The following OMA1 variants were observed in gnomAD, a reference collection of about 807,000 sequenced individuals.
The protein encoded by OMA1 is OMA1 zinc metallopeptidase, also known as metalloendopeptidase OMA1, mitochondrial.
A neutral mutation model predicts 30.9 loss-of-function variants in OMA1; 38 were observed. The observed-to-expected ratio is 1.23, with a 90% CI of 0.95 to 1.61. The LOEUF (loss-of-function observed/expected upper bound fraction) is 1.61, where lower values mean the gene tolerates loss of function less well. Among genes scored for constraint, OMA1 ranks in the 40% most tolerant of loss-of-function variants. The pLI is 0.00. For synonymous variants in OMA1, 173 were observed against 121.9 expected, an observed-to-expected ratio of 1.42 and a Z score of -2.76; for missense variants, 461 against 349.2, an observed-to-expected ratio of 1.32 and a Z score of -2.55.
intron 5 of OMA1, among the ~76,000 whole-genome samples, chr1:58,531,552 T>C (rs1646433583): frequency 6.6e-6 from 1 of 152,188 alleles, no homozygotes; most frequent in Non-Finnish European, 1.5e-5. Context: ...ATAGCAGTCA[T>C]TACTTGAATG....
intron 8 of OMA1, among the ~76,000 whole-genome samples, chr1:58,501,720 G>A (rs1339358878): frequency 1.3e-5 from 2 of 152,038 alleles, no homozygotes; most frequent in Non-Finnish European, 2.9e-5. Context: ...TCCCATCTCT[G>A]CTCACACATA....
intron 8 of OMA1, among the ~76,000 whole-genome samples, chr1:58,485,141 G>A (rs914560603): frequency 2.7e-5 from 4 of 149,854 alleles, no homozygotes; most frequent in Non-Finnish European, 5.9e-5. Flanking sequence ...GTGAGTATGC[G>A]GGGACAGATG....
intron 8 of OMA1, among the ~76,000 whole-genome samples, chr1:58,485,477 T>C (rs1305865710): frequency 6.6e-6 from 1 of 152,080 alleles, no homozygotes; most frequent in Admixed American, 6.6e-5. Flanking sequence ...CTTCTTCATG[T>C]GTGAACTGTT....
intron 8 of OMA1, among the ~76,000 whole-genome samples, chr1:58,486,077 G>A (rs1224119344): frequency 2.6e-5 from 4 of 152,182 alleles, no homozygotes; most frequent in Non-Finnish European, 4.4e-5. Flanking sequence ...CTTTCACTGC[G>A]TGAGGTATTT....
intron 7 of OMA1, among the ~76,000 whole-genome samples, chr1:58,508,244 A>C (rs1330677688): frequency 6.6e-6 from 1 of 152,204 alleles, no homozygotes; most frequent in Non-Finnish European, 1.5e-5. Flanking sequence ...ACCCAGTTCA[A>C]AGAGCCACTA....
chr1:58,521,955 A>C (rs1646271689), intron 7 of OMA1, among the ~76,000 whole-genome samples: 1 of 152,226 alleles, frequency 6.6e-6, no homozygotes, highest in African/African-American at 2.4e-5. Context: ...GGACATTACA[A>C]GAAAAGAAAA....
At chr1:58,533,350 GT>G (rs1646466026) in intron 5 of OMA1, among the ~76,000 whole-genome samples, 1 of 152,116 alleles carries the variant, frequency 6.6e-6, no homozygotes, top group African/African-American at 2.4e-5. Context: ...TCATGTTACT[GT>G]TTTTCTAAAC....
chr1:58,525,435 T>A (rs1646334494), intron 7 of OMA1, among the ~76,000 whole-genome samples: 1 of 152,160 alleles, frequency 6.6e-6, no homozygotes, highest in South Asian at 2.1e-4. Context: ...ATCAATTGTA[T>A]TTTTATATAC....
Position 58,506,159 on chromosome 1 carries a change from G to T in OMA1, c.1266C>A (p.Phe422Leu). 1.1e-6 allele frequency: 1 copy of T among 871,646 alleles called. No individual in the cohort carries two copies. Among genetic ancestry groups the T allele is most frequent in the South Asian group, 1.3e-5 (1 of 76,422 alleles). 54.0% of individuals were successfully genotyped at this position (871,646 alleles called of 1,614,324 possible). Reference sequence around the variant, plus strand: ...TGGGTTGGCCATGCAGGCTATCAACGAACTCCATTTGCTGCCAAAACACTG... The same window carrying T: ...TGGGTTGGCCATGCAGGCTATCAACTAACTCCATTTGCTGCCAAAACACTG... Reference protein sequence around the residue: ...ASSVFWQQMEFVDSLHGQPKM... With the variant: ...ASSVFWQQMELVDSLHGQPKM... The change falls in exon 8 of 9, where the codon TTC (phenylalanine) becomes TTA (leucine). Residue 422 changes from phenylalanine (F) to leucine (L), a missense_variant. Physicochemically the swap from Phe to Leu is conservative, Grantham distance 22. Transcript: ENST00000371226.
In OMA1 at chr1:58,533,629, G is replaced by C. The variant is rs148809922; in HGVS notation, c.1011+324C>G. ...TTCCCTACAATTAATTTTCTGACTA[G>C]ATTACAAGTATATTAATAATTATAG... is the stretch of plus-strand genomic sequence containing the variant. On this transcript the variant is annotated intron_variant, in intron 5 of 8. Coordinates refer to ENST00000371226, the MANE Select transcript of OMA1 (RefSeq NM_145243.5). 1.9e-3 allele frequency among the ~76,000 whole-genome samples: 296 copies of C among 152,126 alleles called. 1 individual carries two copies. The highest frequency in any genetic ancestry group is 6.2e-3 in the African/African-American group (256 of 41,522).
chr1:58,535,665 A>G (rs1646505678), intron 3 of OMA1, among the ~76,000 whole-genome samples: 2 of 152,026 alleles, frequency 1.3e-5, no homozygotes, highest in African/African-American at 2.4e-5. Flanking sequence ...CATGAATTCG[A>G]AAAATATTAA....
intron 8 of OMA1, among the ~76,000 whole-genome samples, chr1:58,482,883 G>A (rs1030856799): frequency 6.6e-6 from 1 of 152,132 alleles, no homozygotes; most frequent in Non-Finnish European, 1.5e-5. Context: ...CACAGGTCAT[G>A]CTAAGGATTT....
chr1:58,518,216 G>C lies in OMA1; in HGVS notation c.1215+9045C>G, dbSNP rs1335652097. On this transcript the variant is annotated intron_variant, in intron 7 of 8. Coordinates refer to ENST00000371226, the MANE Select transcript of OMA1 (RefSeq NM_145243.5). ...AAAAGAGGAGAGGGGAGAGGGGAGAGGGGAGAGGGGAGAGGGGAGAGGGGA... is the reference window on the plus strand; with the variant it reads ...AAAAGAGGAGAGGGGAGAGGGGAGACGGGAGAGGGGAGAGGGGAGAGGGGA... Among the ~76,000 whole-genome samples the C allele has an allele frequency of 7.1e-3, 28 of 3,918 alleles. 1 individual carries two copies. Among genetic ancestry groups the C allele is most frequent in the Non-Finnish European group, 0.015 (18 of 1,224 alleles). 2.6% of individuals were successfully genotyped at this position (3,918 alleles called of 152,430 possible).
At chr1:58,532,684 T>C (rs79561508) in intron 5 of OMA1, among the ~76,000 whole-genome samples, 1 of 151,894 alleles carries the variant, frequency 6.6e-6, no homozygotes, top group African/African-American at 2.4e-5. Context: ...TGAGCCACCA[T>C]GCTCAGCTAA....
chr1:58,494,037 C>T (rs1462335189), intron 8 of OMA1, among the ~76,000 whole-genome samples: 2 of 151,924 alleles, frequency 1.3e-5, no homozygotes, highest in East Asian at 1.9e-4. Flanking sequence ...GCTACAGTAA[C>T]CAAAACAGCA....
In OMA1 at chr1:58,530,633, A is replaced by G. The variant is rs141238120; in HGVS notation, c.1108T>C (p.Leu370=). Residue 370 remains leucine, a synonymous_variant, in exon 6 of 9, where the codon TTG becomes CTG. Coordinates refer to ENST00000371226, the MANE Select transcript of OMA1 (RefSeq NM_145243.5). ...AICPRDSLAL[L]CQWIQSKLQE... is the part of the protein sequence containing the mutation. ...AATTTAGACTGTATCCACTGGCACA[A>G]AAGTGCCAAGCTATCTCGAGGACAA... 26 of 872,680 alleles carry G rather than the reference A, an allele frequency of 3.0e-5. No homozygotes were observed. The highest frequency in any genetic ancestry group is 5.2e-5 in the Non-Finnish European group (26 of 501,592). 54.1% of individuals were successfully genotyped at this position (872,680 alleles called of 1,614,324 possible). A position where few individuals can be genotyped will look rare whatever the true frequency, so the allele number is the denominator to read the frequency against.
chr1:58,540,282 GA>G (rs142462867), intron 1 of OMA1, among the ~76,000 whole-genome samples: 22,888 of 144,598 alleles, frequency 0.16, 1,962 homozygotes, highest in Admixed American at 0.27. Flanking sequence ...TGCATCCCAG[GA>G]AAAAAAAAAA....
At chr1:58,513,140 A>G (rs1394874090) in intron 7 of OMA1, among the ~76,000 whole-genome samples, 1 of 152,130 alleles carries the variant, frequency 6.6e-6, no homozygotes, top group Admixed American at 6.5e-5. Flanking sequence ...TGACTGGATC[A>G]TGACAGCAGT....
chr1:58,513,062 C>G (rs1406917589), intron 7 of OMA1, among the ~76,000 whole-genome samples: 1 of 152,144 alleles, frequency 6.6e-6, no homozygotes, highest in Non-Finnish European at 1.5e-5. Context: ...TGTCCCCACC[C>G]AAATCTCGTC....
Sources: allele counts gnomAD v4.1 joint callset (sites outside exome capture counted in the v4.1 genomes callset), GRCh38; gene constraint gnomAD v4.1.1; transcripts MANE v1.5; gene names NCBI Gene and HGNC (gene_info 2026-07-23, HGNC 2026-07-21).